The following SCAPER variants were observed in gnomAD, a reference collection of about 807,000 sequenced individuals.
SCAPER encodes the protein S-phase cyclin A associated protein in the ER, also known as S phase cyclin A-associated protein in the endoplasmic reticulum.
SCAPER carries 98 observed loss-of-function variants against 182.2 expected under a neutral mutation model. The ratio of observed to expected loss-of-function variants is 0.54; its 90% CI spans 0.46 to 0.64. SCAPER has a LOEUF of 0.64. Among genes scored for constraint, SCAPER ranks in the 30% least tolerant of loss-of-function variants. SCAPER has a pLI of 0.00. For synonymous variants in SCAPER, 605 were observed against 564.6 expected (o/e 1.07, Z -1.01); for missense variants, 1,432 against 1,690.0 (o/e 0.85, Z 2.68).
chr15:76,628,522 T>C lies in SCAPER; in HGVS notation c.2646-6693A>G, dbSNP rs562942120. 4.3e-4 allele frequency among the ~76,000 whole-genome samples: 65 copies of C among 152,350 alleles called. No individual in the cohort carries two copies. In the South Asian group the frequency reaches 0.013, roughly 30 times the overall value. On this transcript the variant is annotated intron_variant, in intron 21 of 31. Transcript: ENST00000563290. ...TAGCCAGTTATTCCATCACTATTCA[T>C]TGAATAGGGAATCCTTTCCCCATTG...
At chr15:76,719,499 T>C (rs1352122628) in intron 17 of SCAPER, among the ~76,000 whole-genome samples, 3 of 152,114 alleles carry the variant, frequency 2.0e-5, no homozygotes, top group Non-Finnish European at 2.9e-5. Context: ...CTATAGGTAA[T>C]AAAATTGTAC....
intron 26 of SCAPER, among the ~76,000 whole-genome samples, chr15:76,411,931 C>T (rs993577735): frequency 3.3e-5 from 5 of 152,108 alleles, no homozygotes; most frequent in African/African-American, 1.2e-4. Context: ...ATGTGTTAAA[C>T]GGTTATTTGC....
chr15:76,625,763 G>A (rs1245877712), intron 21 of SCAPER, among the ~76,000 whole-genome samples: 3 of 152,034 alleles, frequency 2.0e-5, no homozygotes, highest in African/African-American at 7.2e-5. Context: ...CTAGACGCAG[G>A]AGTCCACGGT....
intron 23 of SCAPER, among the ~76,000 whole-genome samples, chr15:76,558,342 A>G (rs2046342271): frequency 1.3e-5 from 2 of 152,192 alleles, no homozygotes; most frequent in Non-Finnish European, 2.9e-5. Context: ...ACACAGACAG[A>G]CACCTCTAAA....
At chr15:76,901,417 T>C (rs1194525287) in intron 1 of SCAPER, among the ~76,000 whole-genome samples, 1 of 152,238 alleles carries the variant, frequency 6.6e-6, no homozygotes, top group East Asian at 1.9e-4. Flanking sequence ...TTTCCAATAC[T>C]GTATTAAAAG....
chr15:76,448,959 G>A (rs1014150982), intron 25 of SCAPER, among the ~76,000 whole-genome samples: 2 of 152,142 alleles, frequency 1.3e-5, no homozygotes, highest in Non-Finnish European at 2.9e-5. Flanking sequence ...ACTTAGTGAT[G>A]TAACACAACA....
rs769156049 is a variant in SCAPER, at chr15:76,765,020, G to A, written c.1666C>T (p.Gln556Ter). ...KHEEKQMKAQ[Q>*]LREKLREEKT... ...TCTTCGCGTAACTTTTCCCTTAGCT[G>A]CTGTGCTTTCATTTGTTTTTCTTCA... Residue 556 changes from glutamine (Q) to a stop codon, truncating the protein, a stop_gained, in exon 14 of 32, where the codon CAG (glutamine) becomes TAG (stop). Coordinates refer to ENST00000563290, the MANE Select transcript of SCAPER (RefSeq NM_020843.4). LOFTEE classifies it high-confidence loss of function. 15 of 1,603,200 alleles carry A rather than the reference G, an allele frequency of 9.4e-6. No homozygotes were observed. The highest frequency in any genetic ancestry group is 2.2e-5 in the South Asian group (2 of 89,246).
chr15:76,633,908 G>A (rs953220380), intron 21 of SCAPER, among the ~76,000 whole-genome samples: 1 of 152,214 alleles, frequency 6.6e-6, no homozygotes, highest in Non-Finnish European at 1.5e-5. Flanking sequence ...TTAGCTTATA[G>A]GGAGTTGGGG....
intron 23 of SCAPER, among the ~76,000 whole-genome samples, chr15:76,537,318 T>C (rs552707419): frequency 2.6e-5 from 4 of 152,032 alleles, no homozygotes; most frequent in Admixed American, 6.5e-5. Flanking sequence ...CTTCAAACTA[T>C]ACTGCAAGGC....
At chr15:76,478,795 T>C (rs1343618853) in intron 24 of SCAPER, among the ~76,000 whole-genome samples, 2 of 152,166 alleles carry the variant, frequency 1.3e-5, no homozygotes, top group Non-Finnish European at 2.9e-5. Flanking sequence ...GTAGAGTCAA[T>C]ATATAAAATT....
chr15:76,588,893 C>T (rs985257524), intron 22 of SCAPER, among the ~76,000 whole-genome samples: 1 of 152,076 alleles, frequency 6.6e-6, no homozygotes, highest in Non-Finnish European at 1.5e-5. Context: ...GAAGATCTGG[C>T]ACTCAAGGCT....
chr15:76,859,185 GCAAAGTAAT>G (rs1033926807), intron 3 of SCAPER, among the ~76,000 whole-genome samples: 2 of 152,138 alleles, frequency 1.3e-5, no homozygotes, highest in Non-Finnish European at 1.5e-5. Context: ...TTTCCTTTCT[GCAAAGTAAT>G]TTTGGGGCCA....
chr15:76,746,929 A>C (rs2061823799), intron 15 of SCAPER, among the ~76,000 whole-genome samples: 1 of 152,218 alleles, frequency 6.6e-6, no homozygotes, highest in Non-Finnish European at 1.5e-5. Context: ...TAAGATGGTA[A>C]TACTACTCAA....
At chr15:76,419,464 T>C (rs2045878373) in intron 26 of SCAPER, among the ~76,000 whole-genome samples, 1 of 152,286 alleles carries the variant, frequency 6.6e-6, no homozygotes, top group South Asian at 2.1e-4. Flanking sequence ...CTCATGTCTG[T>C]AATCCCAGCA....
At chr15:76,548,804 C>T (rs893883817) in intron 23 of SCAPER, among the ~76,000 whole-genome samples, 6 of 152,226 alleles carry the variant, frequency 3.9e-5, no homozygotes, top group East Asian at 3.9e-4. Flanking sequence ...TCAAGATGGA[C>T]TAAAGACCTA....
At chr15:76,377,597 T>C (rs1229818657) in intron 28 of SCAPER, among the ~76,000 whole-genome samples, 3 of 152,358 alleles carry the variant, frequency 2.0e-5, no homozygotes, top group East Asian at 3.9e-4. Context: ...TTGTAAAAAC[T>C]GTCAAACTGA....
chr15:76,854,699 C>G lies in SCAPER; in HGVS notation c.195+3110G>C, dbSNP rs111258982. Among the ~76,000 whole-genome samples, 1,193 of 151,686 alleles carry G rather than the reference C, an allele frequency of 7.9e-3. 10 individuals carry two copies. Among genetic ancestry groups the G allele is most frequent in the African/African-American group, 0.027 (1,132 of 41,362 alleles). ...ACATGGCCGGGCACGGTAGCTCACA[C>G]CTGTAATCCCAGCACTTTGGGAGGC... On this transcript the variant is annotated intron_variant, in intron 4 of 31. Transcript: ENST00000563290.
intron 21 of SCAPER, among the ~76,000 whole-genome samples, chr15:76,630,141 G>A (rs1878032340): frequency 6.6e-6 from 1 of 152,048 alleles, no homozygotes; most frequent in African/African-American, 2.4e-5. Flanking sequence ...GGTCATTGGT[G>A]ATATCCCATT....
chr15:76,766,479 TCTTA>T (rs1422240752), intron 11 of SCAPER, among the ~76,000 whole-genome samples: 2 of 151,994 alleles, frequency 1.3e-5, no homozygotes, highest in African/African-American at 4.8e-5. Flanking sequence ...AATGTGGAGT[TCTTA>T]CTTTATGTCA....
Sources: gnomAD v4.1 joint callset for allele counts (sites outside exome capture counted in the v4.1 genomes callset) on GRCh38, gnomAD v4.1.1 for gene constraint, MANE v1.5 for transcripts, NCBI Gene and HGNC (gene_info 2026-07-23, HGNC 2026-07-21) for gene names.